The following KIAA1217 variants were observed in gnomAD, a reference collection of about 807,000 sequenced individuals.
KIAA1217 encodes KIAA1217.
A neutral mutation model predicts 163.9 loss-of-function variants in KIAA1217; 88 were observed. That is an observed-to-expected ratio of 0.54 (90% CI 0.45 to 0.64). KIAA1217 has a LOEUF of 0.64. KIAA1217 is among the 30% of genes least tolerant of loss of function. The pLI, the probability that KIAA1217 is intolerant of heterozygous loss-of-function variation, is 0.00. For missense variants in KIAA1217, 2,372 were observed against 2,475.0 expected, an observed-to-expected ratio of 0.96 and a Z score of 0.88; for synonymous variants, 903 against 923.1, an observed-to-expected ratio of 0.98 and a Z score of 0.39.
chr10:23,934,217 A>G (rs1843377373), intron 1 of KIAA1217, among the ~76,000 whole-genome samples: 1 of 152,148 alleles, frequency 6.6e-6, no homozygotes, highest in Admixed American at 6.5e-5. Context: ...ATCAAAAAGA[A>G]TGAGATCATG....
chr10:24,500,030 C>T (rs992203014), intron 8 of KIAA1217, among the ~76,000 whole-genome samples: 1 of 152,080 alleles, frequency 6.6e-6, no homozygotes, highest in Non-Finnish European at 1.5e-5. Context: ...TGTGCTGGAG[C>T]GGGAAAGGTT....
chr10:23,990,751 T>G (rs1846184713), intron 1 of KIAA1217, among the ~76,000 whole-genome samples: 1 of 152,160 alleles, frequency 6.6e-6, no homozygotes, highest in South Asian at 2.1e-4. Flanking sequence ...GCTTTAATAT[T>G]TTTAAATTGC....
In KIAA1217 at chr10:23,897,267, A is replaced by C. The variant is rs572529760; in HGVS notation, c.-320-109958A>C. The stretch of plus-strand genomic sequence containing the variant: ...GTCCTCATCAACTTCCTTCATTCTC[A>C]TTTTATTTATATATCAAAATAAAAT... On this transcript the variant is annotated intron_variant, in intron 1 of 18. Transcript: ENST00000376462. 2.6e-5 allele frequency among the ~76,000 whole-genome samples: 4 copies of C among 152,110 alleles called. No homozygotes were observed. In the South Asian group the frequency reaches 6.2e-4, roughly 24 times the overall value.
intron 1 of KIAA1217, among the ~76,000 whole-genome samples, chr10:23,900,145 G>A (rs1208673296): frequency 6.6e-6 from 1 of 151,618 alleles, no homozygotes; most frequent in African/African-American, 2.4e-5. Flanking sequence ...AGCTGGGATT[G>A]CAGGCCCCCA....
chr10:23,817,442 A>G (rs962001675), intron 1 of KIAA1217, among the ~76,000 whole-genome samples: 1 of 152,154 alleles, frequency 6.6e-6, no homozygotes, highest in African/African-American at 2.4e-5. Flanking sequence ...GGAACGTTTG[A>G]GCTGGGATAT....
At chr10:23,869,962 T>G (rs1403184370) in intron 1 of KIAA1217, among the ~76,000 whole-genome samples, 1 of 152,184 alleles carries the variant, frequency 6.6e-6, no homozygotes, top group Admixed American at 6.5e-5. Flanking sequence ...AATAATTTTC[T>G]AACAACACAA....
intron 1 of KIAA1217, among the ~76,000 whole-genome samples, chr10:23,856,733 C>T (rs974878146): frequency 1.3e-5 from 2 of 152,268 alleles, no homozygotes; most frequent in Non-Finnish European, 1.5e-5. Flanking sequence ...CCTCCCCCAG[C>T]CTCGCTGCTG....
intron 2 of KIAA1217, among the ~76,000 whole-genome samples, chr10:24,019,949 T>A (rs2366597): frequency 0.6 from 90,274 of 151,656 alleles, 27,913 homozygotes; most frequent in Middle Eastern, 0.77. Context: ...TCAAAGTGAG[T>A]TAAAATAAAA....
chr10:24,484,973 A>C (rs2065198959), intron 6 of KIAA1217, among the ~76,000 whole-genome samples: 1 of 152,024 alleles, frequency 6.6e-6, no homozygotes, highest in South Asian at 2.1e-4. Context: ...AGCCTTCCCT[A>C]AGTGCATTTG....
intron 3 of KIAA1217, among the ~76,000 whole-genome samples, chr10:24,397,453 C>T (rs1483388920): frequency 2.0e-5 from 3 of 152,132 alleles, no homozygotes; most frequent in Admixed American, 6.5e-5. Context: ...ATTTGCTAAG[C>T]ACTCATTCTA....
intron 1 of KIAA1217, among the ~76,000 whole-genome samples, chr10:23,921,443 G>A (rs1211518007): frequency 1.3e-5 from 2 of 152,130 alleles, no homozygotes; most frequent in African/African-American, 4.8e-5. Flanking sequence ...GCACATTGTT[G>A]TCACTTCCTT....
chr10:23,895,212 A>G (rs2131226182), intron 1 of KIAA1217, among the ~76,000 whole-genome samples: 1 of 152,226 alleles, frequency 6.6e-6, no homozygotes, highest in Admixed American at 6.5e-5. Flanking sequence ...GCAACCCACA[A>G]AATGGGAGAA....
chr10:24,178,715 C>T (rs1659522837), intron 2 of KIAA1217, among the ~76,000 whole-genome samples: 2 of 152,186 alleles, frequency 1.3e-5, no homozygotes, highest in South Asian at 2.1e-4. Flanking sequence ...TTTCTCAGCA[C>T]CCATGGTCTT....
intron 1 of KIAA1217, among the ~76,000 whole-genome samples, chr10:24,212,751 G>T (rs1316209849): frequency 6.6e-6 from 1 of 152,076 alleles, no homozygotes; most frequent in East Asian, 1.9e-4. Flanking sequence ...GTCTGCCTGT[G>T]TATCTGTTTT....
Position 24,287,876 on chromosome 10 carries a change from C to T in KIAA1217, c.354+67967C>T, listed in dbSNP as rs534445363. On this transcript the variant is annotated intron_variant, in intron 2 of 20. Coordinates refer to ENST00000376454, the MANE Select transcript of KIAA1217 (RefSeq NM_019590.5). The stretch of plus-strand genomic sequence containing the variant: ...ACTGTTTAGAATTCAAATGTTGAGA[C>T]ATATCTCACTTAATAACATGAGGGT... 3.9e-4 allele frequency among the ~76,000 whole-genome samples: 60 copies of T among 152,284 alleles called. 1 individual carries two copies. Among genetic ancestry groups the T allele is most frequent in the African/African-American group, 1.1e-3 (45 of 41,574 alleles).
intron 5 of KIAA1217, among the ~76,000 whole-genome samples, chr10:24,444,218 A>G (rs940943275): frequency 2.0e-5 from 3 of 151,936 alleles, no homozygotes; most frequent in African/African-American, 7.3e-5. Flanking sequence ...CACCACGTTG[A>G]CCAGGCTGGT....
intron 1 of KIAA1217, among the ~76,000 whole-genome samples, chr10:23,959,969 G>C (rs188904119): frequency 1.4e-5 from 2 of 145,204 alleles, no homozygotes; most frequent in Admixed American, 7.1e-5. Flanking sequence ...AGGCTGGAGC[G>C]CAGTGGTGCC....
intron 1 of KIAA1217, among the ~76,000 whole-genome samples, chr10:23,720,031 G>A (rs760368954): frequency 2.6e-5 from 4 of 151,880 alleles, no homozygotes; most frequent in Non-Finnish European, 4.4e-5. Context: ...AAGGGGGGAG[G>A]GTGGTGGAAT....
intron 2 of KIAA1217, among the ~76,000 whole-genome samples, chr10:24,060,417 A>C (rs952797438): frequency 6.6e-6 from 1 of 152,084 alleles, no homozygotes; most frequent in Non-Finnish European, 1.5e-5. Context: ...TAATTTCTAC[A>C]TATTTGTGAA....
Sources: gnomAD v4.1 joint callset for allele counts (sites outside exome capture counted in the v4.1 genomes callset) on GRCh38, gnomAD v4.1.1 for gene constraint, MANE v1.5 for transcripts, NCBI Gene and HGNC (gene_info 2026-07-23, HGNC 2026-07-21) for gene names.